Variants in LRBA observed in about 807,000 individuals in gnomAD.
LRBA encodes lipopolysaccharide-responsive and beige-like anchor protein.
In LRBA, 176 loss-of-function variants were observed where a neutral mutation model predicts 330.0. That is an observed-to-expected ratio of 0.53 (90% CI 0.47 to 0.60). The LOEUF is 0.60. LRBA is among the 20% of genes least tolerant of loss of function. The pLI is 0.00. For missense variants in LRBA, 3,259 were observed against 3,444.8 expected (o/e 0.95, Z 1.35); for synonymous variants, 1,230 against 1,193.0 (o/e 1.03, Z -0.64).
intron 37 of LRBA, among the ~76,000 whole-genome samples, chr4:150,617,514 C>T (rs879938081): frequency 5.3e-5 from 8 of 151,984 alleles, no homozygotes; most frequent in East Asian, 1.9e-4. Context: ...TGGTGGCAGG[C>T]GCCTGTAATC....
chr4:150,803,083 T>TATAC (rs748531851), intron 33 of LRBA, among the ~76,000 whole-genome samples: 19,770 of 128,162 alleles, frequency 0.15, 1,642 homozygotes, highest in Non-Finnish European at 0.2. Context: ...AAAATATATA[T>TATAC]ACACACACAC....
At chr4:150,491,875 C>G (rs1758994181) in intron 40 of LRBA, among the ~76,000 whole-genome samples, 2 of 152,082 alleles carry the variant, frequency 1.3e-5, no homozygotes, top group African/African-American at 2.4e-5. Context: ...TACACCAGTA[C>G]TATACATAAT....
At chr4:150,487,682 T>C (rs775937511) in intron 42 of LRBA, 50 bp downstream of exon 42, 22 of 977,584 alleles carry the variant, frequency 2.3e-5, no homozygotes, top group Non-Finnish European at 3.5e-5. Flanking sequence ...TTAATTATTA[T>C]AACTATTAAG....
intron 4 of LRBA, among the ~76,000 whole-genome samples, chr4:150,924,822 C>T (rs1733710699): frequency 6.6e-6 from 1 of 152,052 alleles, no homozygotes; most frequent in African/African-American, 2.4e-5. Context: ...TTCTCATTCT[C>T]CTCCCCCTCC....
chr4:150,339,843 C>CTTT, intron 48 of LRBA, among the ~76,000 whole-genome samples: 1 of 130,908 alleles, frequency 7.6e-6, no homozygotes, highest in Non-Finnish European at 1.7e-5. Flanking sequence ...TGCTCCTTTT[C>CTTT]CTTTTTTTTT....
In LRBA at chr4:151,005,045, T is replaced by C. The variant is rs114172406; in HGVS notation, c.216+9382A>G. On this transcript the variant is annotated intron_variant, in intron 2 of 56. Transcript: ENST00000651943. Reference sequence around the variant, plus strand: ...AGATAAGAAGTGGAGGAGAGGGAAATAGTCAAGAAATAGTCAAGAAAGATG... The same window carrying C: ...AGATAAGAAGTGGAGGAGAGGGAAACAGTCAAGAAATAGTCAAGAAAGATG... 7.4e-3 allele frequency among the ~76,000 whole-genome samples: 1,131 copies of C among 151,898 alleles called. 7 individuals are homozygous for C. The highest frequency in any genetic ancestry group is 0.026 in the African/African-American group (1,059 of 41,434).
At chr4:150,462,960 T>C (rs1185472894) in intron 44 of LRBA, among the ~76,000 whole-genome samples, 9 of 151,880 alleles carry the variant, frequency 5.9e-5, no homozygotes, top group African/African-American at 1.9e-4. Flanking sequence ...TAAACAAATA[T>C]TTGAAAACTG....
At chr4:150,387,346 A>G (rs1022112040) in intron 47 of LRBA, among the ~76,000 whole-genome samples, 1 of 152,202 alleles carries the variant, frequency 6.6e-6, no homozygotes, top group Admixed American at 6.5e-5. Context: ...AAATACCACA[A>G]TGAGAGTTCT....
chr4:150,547,528 A>G (rs777463861), intron 40 of LRBA, among the ~76,000 whole-genome samples: 9 of 152,172 alleles, frequency 5.9e-5, no homozygotes, highest in Non-Finnish European at 1.2e-4. Flanking sequence ...ACTGACCATT[A>G]TCTCCTTAAT....
At chr4:150,766,609 A>G (rs915533508) in intron 34 of LRBA, among the ~76,000 whole-genome samples, 3 of 152,192 alleles carry the variant, frequency 2.0e-5, no homozygotes, top group Non-Finnish European at 4.4e-5. Flanking sequence ...ACAGCTCAAT[A>G]TAACCCTTAG....
intron 51 of LRBA, among the ~76,000 whole-genome samples, chr4:150,312,837 G>C (rs1205714741): frequency 6.6e-6 from 1 of 151,996 alleles, no homozygotes; most frequent in East Asian, 1.9e-4. Context: ...TTGAAACAAA[G>C]CTCTTTCCCA....
chr4:150,525,476 G>A (rs1405528735), intron 40 of LRBA, among the ~76,000 whole-genome samples: 2 of 152,040 alleles, frequency 1.3e-5, no homozygotes, highest in Admixed American at 6.5e-5. Context: ...CTAGATAAAC[G>A]GCCTACCTGC....
rs1734234769 is a variant in LRBA, at chr4:150,755,972, G to A, written c.5645+5811C>T. Among the ~76,000 whole-genome samples the A allele has an allele frequency of 2.0e-5, 3 of 151,834 alleles. No individual in the cohort carries two copies. The South Asian group carries it at 6.3e-4, about 32-fold the overall frequency. ...GAGGTGAGAGGATCACTTGAGCCAG[G>A]GAGGTCGAGGCTGAAGTGAGATGAG... On this transcript the variant is annotated intron_variant, in intron 35 of 56. Coordinates refer to ENST00000651943, the MANE Select transcript of LRBA (RefSeq NM_001364905.1).
chr4:150,265,860 G>C, intron 56 of LRBA, 48 bp from the exon 57 acceptor site: 2 of 1,190,676 alleles, frequency 1.7e-6, no homozygotes, highest in South Asian at 1.2e-5. Flanking sequence ...GTGTGTCCTA[G>C]AGATGTTACT....
chr4:150,309,937 G>A (rs1036551287), intron 52 of LRBA, among the ~76,000 whole-genome samples: 4 of 151,996 alleles, frequency 2.6e-5, no homozygotes, highest in African/African-American at 7.2e-5. Context: ...ACTCATGCAT[G>A]GTATTTACAT....
intron 37 of LRBA, among the ~76,000 whole-genome samples, chr4:150,610,355 C>A (rs1487220649): frequency 6.6e-6 from 1 of 152,020 alleles, no homozygotes; most frequent in Admixed American, 6.6e-5. Flanking sequence ...TTTGGGAGGC[C>A]GAGGTGGGTG....
At chr4:150,385,969 C>G (rs17504359) in intron 47 of LRBA, among the ~76,000 whole-genome samples, 22,601 of 152,052 alleles carry the variant, frequency 0.15, 1,701 homozygotes, top group Middle Eastern at 0.17. Context: ...GACTCGGCCT[C>G]GTCTAGATAC....
At chr4:150,906,087 T>G (rs1731307716) in intron 12 of LRBA, 97 bp from the exon 13 acceptor site, 2 of 1,051,918 alleles carry the variant, frequency 1.9e-6, no homozygotes, top group South Asian at 3.1e-5. Flanking sequence ...CCACAAATTA[T>G]GCTCAAAGTT....
chr4:150,439,313 A>G (rs1561179373), intron 44 of LRBA, among the ~76,000 whole-genome samples: 1 of 150,680 alleles, frequency 6.6e-6, no homozygotes, highest in Non-Finnish European at 1.5e-5. Context: ...GCTAAAACCA[A>G]TTAGGATTGA....
Sources: gnomAD v4.1 joint callset for allele counts (sites outside exome capture counted in the v4.1 genomes callset) on GRCh38, gnomAD v4.1.1 for gene constraint, MANE v1.5 for transcripts, NCBI Gene and HGNC (gene_info 2026-07-23, HGNC 2026-07-21) for gene names.